Variants in SPOCK1 observed in about 807,000 individuals in gnomAD.
The protein encoded by SPOCK1 is SPARC (osteonectin), cwcv and kazal like domains proteoglycan 1.
SPOCK1 carries 23 observed loss-of-function variants against 55.3 expected under a neutral mutation model. That is an observed-to-expected ratio of 0.42 (90% CI 0.30 to 0.59). The LOEUF is 0.59. Ranked by LOEUF, SPOCK1 falls within the 20% of genes least tolerant of loss-of-function variation. The pLI, the probability that SPOCK1 is intolerant of heterozygous loss-of-function variation, is 0.22. For synonymous variants in SPOCK1, 226 were observed against 221.0 expected (o/e 1.02, Z -0.20); for missense variants, 499 against 552.5 (o/e 0.90, Z 0.97).
intron 2 of SPOCK1, among the ~76,000 whole-genome samples, chr5:137,460,687 G>A (rs191766631): frequency 2.6e-5 from 4 of 152,272 alleles, no homozygotes; most frequent in African/African-American, 7.2e-5. Context: ...AGTAGAGAAG[G>A]TGATCTCTAA....
intron 2 of SPOCK1, among the ~76,000 whole-genome samples, chr5:137,416,399 T>C (rs1309869709): frequency 6.6e-6 from 1 of 152,146 alleles, no homozygotes; most frequent in Admixed American, 6.5e-5. Flanking sequence ...CTACATGGGT[T>C]CTCAGAATCA....
At chr5:137,447,341 C>A (rs1435324944) in intron 2 of SPOCK1, among the ~76,000 whole-genome samples, 1 of 152,138 alleles carries the variant, frequency 6.6e-6, no homozygotes, top group African/African-American at 2.4e-5. Context: ...ATAACGAATG[C>A]CCCTGAATAC....
At chr5:137,249,094 G>A (rs536792230) in intron 3 of SPOCK1, among the ~76,000 whole-genome samples, 91 of 152,298 alleles carry the variant, frequency 6.0e-4, no homozygotes, top group African/African-American at 1.9e-3. Context: ...AACTGGAAGC[G>A]TTAAAGGAGG....
At chr5:137,054,451 G>A (rs564124078) in intron 6 of SPOCK1, among the ~76,000 whole-genome samples, 23 of 152,190 alleles carry the variant, frequency 1.5e-4, no homozygotes, top group Non-Finnish European at 3.4e-4. Context: ...GAAGGTCAGG[G>A]GGACAGGAGT....
intron 1 of SPOCK1, 64 bp from the exon 2 acceptor site, chr5:137,498,622 C>A: frequency 8.2e-7 from 1 of 1,225,492 alleles, no homozygotes; most frequent in South Asian, 3.3e-5. Flanking sequence ...CCCGGGCACC[C>A]AGGCGTCCCA....
At chr5:137,353,582 T>C (rs1222308357) in intron 2 of SPOCK1, among the ~76,000 whole-genome samples, 2 of 152,074 alleles carry the variant, frequency 1.3e-5, no homozygotes, top group African/African-American at 2.4e-5. Context: ...GACCTCCCCA[T>C]CAGTTAAAGT....
rs147133068 is a variant in SPOCK1 at position 137,493,831 on chromosome 5, C to T, written c.186+4542G>A. Among the ~76,000 whole-genome samples, 729 of 152,282 alleles carry T rather than the reference C, an allele frequency of 4.8e-3. 2 individuals carry two copies. Among genetic ancestry groups the T allele is most frequent in the African/African-American group, 0.017 (688 of 41,546 alleles). On this transcript the variant is annotated intron_variant, in intron 2 of 10. Transcript: ENST00000394945. ...TTTGTCACCAGCCCCACTGACTGGGCCAGCCACTATTTTATCAATAGGCTC... is the reference window on the plus strand; with the variant it reads ...TTTGTCACCAGCCCCACTGACTGGGTCAGCCACTATTTTATCAATAGGCTC...
intron 6 of SPOCK1, among the ~76,000 whole-genome samples, chr5:137,013,732 T>A (rs1751396727): frequency 6.6e-6 from 1 of 152,218 alleles, no homozygotes; most frequent in Admixed American, 6.5e-5. Context: ...TTGTACTCCC[T>A]CTAGACATGG....
chr5:137,485,757 T>C (rs1296340807), intron 2 of SPOCK1, among the ~76,000 whole-genome samples: 2 of 151,654 alleles, frequency 1.3e-5, no homozygotes, highest in Non-Finnish European at 2.9e-5. Context: ...AAATTTAATG[T>C]TGAAAAAAAA....
intron 6 of SPOCK1, among the ~76,000 whole-genome samples, chr5:137,009,021 C>T (rs1037553502): frequency 6.6e-6 from 1 of 152,114 alleles, no homozygotes; most frequent in East Asian, 1.9e-4. Flanking sequence ...GGAAAAATAA[C>T]AGAGATGATA....
At chr5:137,321,874 A>G (rs1363300468) in intron 2 of SPOCK1, among the ~76,000 whole-genome samples, 3 of 149,752 alleles carry the variant, frequency 2.0e-5, no homozygotes, top group Non-Finnish European at 4.5e-5. Context: ...TGTCAAAAAG[A>G]AAAAAAAAAG....
At chr5:137,382,703 T>C (rs560454060) in intron 2 of SPOCK1, among the ~76,000 whole-genome samples, 2 of 152,276 alleles carry the variant, frequency 1.3e-5, no homozygotes, top group Admixed American at 1.3e-4. Context: ...GAGAACAGCA[T>C]GGGGGAAATC....
chr5:137,357,920 C>T (rs1046293368), intron 2 of SPOCK1, among the ~76,000 whole-genome samples: 4 of 152,028 alleles, frequency 2.6e-5, no homozygotes, highest in African/African-American at 4.8e-5. Flanking sequence ...CCATTTAAAC[C>T]TTATGGATCT....
In SPOCK1 at chr5:137,399,674, A is replaced by G. The variant is rs184010453; in HGVS notation, c.186+98699T>C. Among the ~76,000 whole-genome samples the G allele has an allele frequency of 7.9e-5, 12 of 152,352 alleles. 1 individual carries two copies. Among genetic ancestry groups the G allele is most frequent in the Admixed American group, 7.8e-4 (12 of 15,298 alleles). Reference sequence around the variant, plus strand: ...ACGTTTGCACGTAAAGAGAGACCTCACCAACACAGAAGAAAGCTTTGTGCA... The same window carrying G: ...ACGTTTGCACGTAAAGAGAGACCTCGCCAACACAGAAGAAAGCTTTGTGCA... On this transcript the variant is annotated intron_variant, in intron 2 of 10. Coordinates refer to ENST00000394945, the MANE Select transcript of SPOCK1 (RefSeq NM_004598.4).
chr5:137,170,553 A>G (rs915986315), intron 3 of SPOCK1, among the ~76,000 whole-genome samples: 1 of 151,732 alleles, frequency 6.6e-6, no homozygotes, highest in Non-Finnish European at 1.5e-5. Flanking sequence ...CAGTGCTCTT[A>G]TAAGAATAGG....
At chr5:137,073,048 G>A (rs17646766) in intron 5 of SPOCK1, among the ~76,000 whole-genome samples, 64,885 of 152,102 alleles carry the variant, frequency 0.43, 16,722 homozygotes, top group Non-Finnish European at 0.57. Flanking sequence ...GTGGCTCAGT[G>A]TTCATCTGGA....
intron 2 of SPOCK1, among the ~76,000 whole-genome samples, chr5:137,331,614 G>A (rs1758184554): frequency 6.6e-6 from 1 of 152,202 alleles, no homozygotes; most frequent in African/African-American, 2.4e-5. Flanking sequence ...GATGAGGCAG[G>A]AATAGGCATG....
At chr5:137,311,507 T>G (rs73294919) in intron 2 of SPOCK1, among the ~76,000 whole-genome samples, 5,865 of 152,322 alleles carry the variant, frequency 0.039, 392 homozygotes, top group African/African-American at 0.13. Flanking sequence ...TCCCACTCTG[T>G]TAAACCTCAG....
intron 5 of SPOCK1, among the ~76,000 whole-genome samples, chr5:137,071,463 A>C (rs570523252): frequency 6.6e-6 from 1 of 152,338 alleles, no homozygotes; most frequent in Non-Finnish European, 1.5e-5. Flanking sequence ...GCCCAAGGGA[A>C]GCGTCACAAA....
Sources: allele counts gnomAD v4.1 joint callset (sites outside exome capture counted in the v4.1 genomes callset), GRCh38; gene constraint gnomAD v4.1.1; transcripts MANE v1.5; gene names NCBI Gene and HGNC (gene_info 2026-07-23, HGNC 2026-07-21).